QKI: variants seen among roughly 807,000 people sequenced by gnomAD.
QKI encodes KH domain-containing RNA-binding protein QKI.
Under a neutral mutation model 39.0 loss-of-function variants are expected in QKI, and 10 were observed. That is an observed-to-expected ratio of 0.26 (90% CI 0.16 to 0.43). The LOEUF (loss-of-function observed/expected upper bound fraction) is 0.43, where lower values mean the gene tolerates loss of function less well. QKI is among the 20% of genes least tolerant of loss of function. The pLI is 1.00. For missense variants in QKI, 218 were observed against 428.0 expected (o/e 0.51, Z 4.33); for synonymous variants, 204 against 155.4 (o/e 1.31, Z -2.33).
At chr6:163,489,063 ACT>A (rs1461023931) in intron 3 of QKI, among the ~76,000 whole-genome samples, 7 of 139,890 alleles carry the variant, frequency 5.0e-5, no homozygotes, top group Non-Finnish European at 9.2e-5. Flanking sequence ...AGATTATTAT[ACT>A]CTCAGCACTT....
intron 3 of QKI, among the ~76,000 whole-genome samples, chr6:163,479,724 C>T (rs1792924680): frequency 6.6e-6 from 1 of 152,224 alleles, no homozygotes; most frequent in Non-Finnish European, 1.5e-5. Context: ...ATCAGTTCAT[C>T]ATGTTACCTT....
At chr6:163,564,771 A>G in intron 6 of QKI, 1 of 1,612,356 alleles carries the variant, frequency 6.2e-7, no homozygotes, top group Non-Finnish European at 8.5e-7. Context: ...AATGTGGAAC[A>G]AACTGTTTCT....
At chr6:163,468,572 C>T (rs1791949522) in intron 2 of QKI, among the ~76,000 whole-genome samples, 1 of 152,132 alleles carries the variant, frequency 6.6e-6, no homozygotes. Flanking sequence ...CAGCAATGAA[C>T]AGCATTAGAC....
intron 1 of QKI, among the ~76,000 whole-genome samples, chr6:163,445,710 G>T (rs1039850116): frequency 1.3e-5 from 2 of 151,828 alleles, no homozygotes; most frequent in Non-Finnish European, 1.5e-5. Context: ...CGCCTCCCGG[G>T]TTCATGCCAT....
At position 163,574,741 on chromosome 6, in the gene QKI, C is replaced by T. The variant is rs1229089219; in HGVS notation, c.*4031C>T. ...TGCATTTTTATTTCACAGATTGATA[C>T]TTGCTTTTTTCTGTGAAACAGTTCT... On this transcript the variant is annotated 3_prime_UTR_variant, in exon 8 of 8. Coordinates refer to ENST00000361752, the MANE Select transcript of QKI (RefSeq NM_006775.3). 1 of 151,762 alleles carries T rather than the reference C, an allele frequency of 6.6e-6. No individual in the cohort carries two copies. The highest frequency in any genetic ancestry group is 6.6e-5 in the Admixed American group (1 of 15,236). 9.4% of individuals were successfully genotyped at this position (151,762 alleles called of 1,614,324 possible). A position where few individuals can be genotyped will look rare whatever the true frequency, so the allele number is the denominator to read the frequency against.
intron 3 of QKI, among the ~76,000 whole-genome samples, chr6:163,513,222 A>G (rs1476895383): frequency 6.6e-6 from 1 of 152,198 alleles, no homozygotes; most frequent in African/African-American, 2.4e-5. Flanking sequence ...GCTTGTAGAT[A>G]AGAGGAGGAC....
At chr6:163,563,926 G>C in intron 6 of QKI, 1 of 1,403,154 alleles carries the variant, frequency 7.1e-7, no homozygotes. Context: ...ATCCACTTTG[G>C]TAACTGAGGT....
chr6:163,490,710 C>T (rs958780476), intron 3 of QKI, among the ~76,000 whole-genome samples: 6 of 152,062 alleles, frequency 3.9e-5, no homozygotes, highest in Admixed American at 2.0e-4. Flanking sequence ...CATTGACACT[C>T]TTCTCTTTTA....
chr6:163,504,617 A>G (rs1480642182), intron 3 of QKI, among the ~76,000 whole-genome samples: 1 of 151,958 alleles, frequency 6.6e-6, no homozygotes, highest in Non-Finnish European at 1.5e-5. Context: ...TGAGGGTGTG[A>G]GTTTGGCTGT....
Position 163,438,607 on chromosome 6 carries a change from C to T in QKI, c.143-16672C>T, listed in dbSNP as rs560047715. Among the ~76,000 whole-genome samples the T allele has an allele frequency of 5.3e-5, 8 of 151,964 alleles. No individual in the cohort carries two copies. The South Asian group carries it at 8.3e-4, about 16-fold the overall frequency. On this transcript the variant is annotated intron_variant, in intron 1 of 7. Coordinates refer to ENST00000361752, the MANE Select transcript of QKI (RefSeq NM_006775.3). The stretch of plus-strand genomic sequence containing the variant: ...TATAACACAATGGTATTTGTGTAAA[C>T]GTAGAAACATTCTAAACATAGAAAA...
chr6:163,564,386 A>T (rs1361184683), intron 6 of QKI: 1 of 1,243,108 alleles, frequency 8.0e-7, no homozygotes, highest in Non-Finnish European at 1.0e-6. Flanking sequence ...ACCACATAGT[A>T]TAAGTGGTCC....
rs891052132 is a variant in QKI, at chr6:163,576,951, A to AT, written c.*6248dup. On this transcript the variant is annotated 3_prime_UTR_variant, in exon 8 of 8. Transcript: ENST00000361752. ...CATAGTTGGACTGTGCATCCAAAACATTTTTTTATCTTTAATAAATGGTAC... is the reference window on the plus strand; with the variant it reads ...CATAGTTGGACTGTGCATCCAAAACATTTTTTTTATCTTTAATAAATGGTAC... The AT allele has an allele frequency of 1.3e-5, 2 of 152,194 alleles. No individual in the cohort carries two copies. The highest frequency in any genetic ancestry group is 1.9e-4 in the East Asian group (1 of 5,188). The allele number at this position is 152,194 out of a possible 1,614,324, so 9.4% of individuals were successfully genotyped here.
At chr6:163,524,787 C>T (rs779052624) in intron 3 of QKI, among the ~76,000 whole-genome samples, 3 of 152,090 alleles carry the variant, frequency 2.0e-5, no homozygotes, top group Non-Finnish European at 4.4e-5. Context: ...TTTCTACGAT[C>T]ATCTATTCTA....
intron 4 of QKI, among the ~76,000 whole-genome samples, chr6:163,551,486 C>T (rs937530018): frequency 1.3e-5 from 2 of 152,216 alleles, no homozygotes; most frequent in Non-Finnish European, 1.5e-5. Context: ...TTGAAGATAT[C>T]ATTAGACATC....
intron 2 of QKI, among the ~76,000 whole-genome samples, chr6:163,474,848 C>G (rs906712937): frequency 6.7e-6 from 1 of 148,868 alleles, no homozygotes; most frequent in African/African-American, 2.5e-5. Flanking sequence ...TTGCTTGAGG[C>G]CAAGAATTCA....
At chr6:163,422,759 A>G (rs543665575) in intron 1 of QKI, among the ~76,000 whole-genome samples, 2 of 152,238 alleles carry the variant, frequency 1.3e-5, no homozygotes, top group East Asian at 3.9e-4. Flanking sequence ...CAGCTGAGAA[A>G]GGTTGGCCCC....
In QKI at chr6:163,472,282, A is replaced by G. The variant is rs142102376; in HGVS notation, c.286-6498A>G. Among the ~76,000 whole-genome samples the G allele has an allele frequency of 2.1e-3, 322 of 152,340 alleles. 6 individuals are homozygous for G. The East Asian group carries it at 0.032, about 15-fold the overall frequency. ...GGAAGAAAAAATACGTTTATTATTC[A>G]TTAAGTGGAAGTAGATCATAAAGGT... On this transcript the variant is annotated intron_variant, in intron 2 of 7. Transcript: ENST00000361752.
chr6:163,424,250 A>G (rs1788228590), intron 1 of QKI, among the ~76,000 whole-genome samples: 1 of 152,174 alleles, frequency 6.6e-6, no homozygotes, highest in Admixed American at 6.5e-5. Context: ...AACCGCATCT[A>G]ATTGTCTATT....
At chr6:163,494,692 T>G (rs952744303) in intron 3 of QKI, among the ~76,000 whole-genome samples, 58 of 151,670 alleles carry the variant, frequency 3.8e-4, no homozygotes, top group South Asian at 8.3e-4. Flanking sequence ...TATTGTTGTT[T>G]TTGTGTTTTT....
Sources: gnomAD v4.1 joint callset for allele counts (sites outside exome capture counted in the v4.1 genomes callset) on GRCh38, gnomAD v4.1.1 for gene constraint, MANE v1.5 for transcripts, NCBI Gene and HGNC (gene_info 2026-07-23, HGNC 2026-07-21) for gene names.